NSMCE1: variants seen among roughly 807,000 people sequenced by gnomAD.
The protein encoded by NSMCE1 is NSE1 component of SMC5/6 complex, also known as non-structural maintenance of chromosomes element 1 homolog.
In NSMCE1, 18 loss-of-function variants were observed where a neutral mutation model predicts 29.6. The ratio of observed to expected loss-of-function variants is 0.61; its 90% confidence interval spans 0.42 to 0.90. The LOEUF is 0.90. Among genes scored for constraint, NSMCE1 ranks in the 40% least tolerant of loss-of-function variants. The pLI is 0.00. For missense variants in NSMCE1, 314 were observed against 343.6 expected (o/e 0.91, Z 0.68); for synonymous variants, 124 against 133.4 (o/e 0.93, Z 0.49).
chr16:27,268,107 C>A (rs1478209470), intron 1 of NSMCE1: 1 of 152,160 alleles, frequency 6.6e-6, no homozygotes. Context: ...TGATTACAAG[C>A]CGCTGCTCCA....
chr16:27,266,927 A>G (rs2084232444), intron 1 of NSMCE1, among the ~76,000 whole-genome samples: 1 of 152,130 alleles, frequency 6.6e-6, no homozygotes, highest in Non-Finnish European at 1.5e-5. Flanking sequence ...TGGGCAGCAA[A>G]AGAAAAAAGG....
At chr16:27,242,356 G>C (rs1229758036) in intron 2 of NSMCE1, among the ~76,000 whole-genome samples, 1 of 151,632 alleles carries the variant, frequency 6.6e-6, no homozygotes, top group Non-Finnish European at 1.5e-5. Flanking sequence ...TCTGTACACA[G>C]AGTTCTTTTC....
intron 2 of NSMCE1, among the ~76,000 whole-genome samples, chr16:27,256,677 A>G (rs951180242): frequency 3.9e-5 from 6 of 151,998 alleles, no homozygotes; most frequent in Admixed American, 1.3e-4. Context: ...TGTTTCTTCC[A>G]CCATCTCCAG....
intron 1 of NSMCE1, among the ~76,000 whole-genome samples, chr16:27,265,029 A>G (rs567134090): frequency 6.6e-6 from 1 of 152,304 alleles, no homozygotes; most frequent in South Asian, 2.1e-4. Context: ...CTCAATCTCA[A>G]TGTTATCAGA....
At chr16:27,247,183 A>T (rs115594485) in intron 2 of NSMCE1, among the ~76,000 whole-genome samples, 3,182 of 152,166 alleles carry the variant, frequency 0.021, 107 homozygotes, top group African/African-American at 0.072. Flanking sequence ...TAATCCAAAC[A>T]TGTCATGGGA....
Position 27,257,427 on chromosome 16 carries a change from G to A in NSMCE1, c.136+8C>T, listed in dbSNP as rs2141008921. ...AGAGCGCCCTGGGAACAGGGAAACG[G>A]TACTCACGGTCATGGACCTTGTAGC... is the stretch of plus-strand genomic sequence containing the variant. On this transcript the variant is annotated splice_region_variant and intron_variant, in intron 2 of 7. Transcript: ENST00000361439. 3.1e-6 allele frequency: 5 copies of A among 1,604,876 alleles called. No homozygotes were observed. In the African/African-American group the frequency reaches 5.4e-5, roughly 17 times the overall value.
chr16:27,238,076 C>A (rs957840903), intron 2 of NSMCE1, among the ~76,000 whole-genome samples: 36 of 152,166 alleles, frequency 2.4e-4, no homozygotes, highest in Non-Finnish European at 4.0e-4. Context: ...TGAGAAGAAA[C>A]TTCTCTTACA....
chr16:27,251,176 ATATATATATATAT>A (rs2084026950), intron 2 of NSMCE1, among the ~76,000 whole-genome samples: 7 of 67,420 alleles, frequency 1.0e-4, no homozygotes, highest in Non-Finnish European at 1.2e-4. Context: ...ATATATATAT[ATATATATATATAT>A]AAATATATAT....
At chr16:27,229,499 G>C (rs754555072) in intron 5 of NSMCE1, among the ~76,000 whole-genome samples, 4 of 152,260 alleles carry the variant, frequency 2.6e-5, no homozygotes, top group Non-Finnish European at 4.4e-5. Context: ...AGATGAAGTA[G>C]ACCTTGCACT....
chr16:27,232,511 G>A lies in NSMCE1; in HGVS notation c.483+490C>T, dbSNP rs1042059515. ...TGGTAATGTCACCAATTCCTCTGCC[G>A]CCTCCCCCGCGAGCCAGCCAGCCTA... On this transcript the variant is annotated intron_variant, in intron 5 of 7. Coordinates refer to ENST00000361439, the MANE Select transcript of NSMCE1 (RefSeq NM_145080.4). The surrounding 1 kb of genome is among the most constrained non-coding windows in gnomAD (Gnocchi z 4.5). Among the ~76,000 whole-genome samples the A allele has an allele frequency of 9.9e-5, 15 of 152,094 alleles. No individual in the cohort carries two copies. The highest frequency in any genetic ancestry group is 3.4e-4 in the African/African-American group (14 of 41,418).
At chr16:27,235,032 C>A (rs2083803566) in intron 3 of NSMCE1, 146 bp downstream of exon 3, 1 of 711,816 alleles carries the variant, frequency 1.4e-6, no homozygotes, top group African/African-American at 1.8e-5. Flanking sequence ...CATTTTCTCC[C>A]TTTATTCCTA....
Position 27,232,883 on chromosome 16 carries a change from A to G in NSMCE1, c.483+118T>C. On this transcript the variant is annotated intron_variant, in intron 5 of 7. Coordinates refer to ENST00000361439, the MANE Select transcript of NSMCE1 (RefSeq NM_145080.4). This position sits in a 1 kb window ranked among gnomAD's most constrained non-coding sequence, Gnocchi z 4.5. ...ACTGCTGGAATGCATGAAAGCAGAT[A>G]AGGGATCCGAGAAGGCCGGGCTCCT... The G allele has an allele frequency of 9.7e-7, 1 of 1,031,922 alleles. No individual in the cohort carries two copies. Among genetic ancestry groups the G allele is most frequent in the Non-Finnish European group, 1.4e-6 (1 of 695,816 alleles). The allele number at this position is 1,031,922 out of a possible 1,614,324, so 63.9% of individuals were successfully genotyped here. A position where few individuals can be genotyped will look rare whatever the true frequency, so the allele number is the denominator to read the frequency against.
chr16:27,234,270 G>A lies in NSMCE1; in HGVS notation c.259-5C>T, dbSNP rs1368330097. On this transcript the variant is annotated splice_region_variant and splice_polypyrimidine_tract_variant and intron_variant, in intron 3 of 7. Coordinates refer to ENST00000361439, the MANE Select transcript of NSMCE1 (RefSeq NM_145080.4). ...TGAAGTTGTAGCAAGATTCACCTAA[G>A]AAATAAGTCAGCACGACAGTCAGGC... 1.2e-6 allele frequency: 2 copies of A among 1,605,242 alleles called. No individual in the cohort carries two copies. The highest frequency in any genetic ancestry group is 1.3e-5 in the African/African-American group (1 of 74,776).
chr16:27,268,068 A>T (rs2084247342), intron 1 of NSMCE1: 1 of 152,124 alleles, frequency 6.6e-6, no homozygotes, highest in Non-Finnish European at 1.5e-5. Context: ...GTATCTTCAT[A>T]ACTTTAGCTG....
intron 7 of NSMCE1, 81 bp from the exon 8 acceptor site, chr16:27,225,317 G>A (rs1022731699): frequency 2.9e-5 from 24 of 824,982 alleles, no homozygotes; most frequent in Middle Eastern, 2.2e-4. Flanking sequence ...CAGCAGCTAC[G>A]TCTCCTGTGC....
Position 27,232,852 on chromosome 16 carries a change from G to A in NSMCE1, c.483+149C>T, listed in dbSNP as rs186778857. ...GGAGTGAGGCCCAAGTCCTCCCCAC[G>A]GGGTCACTGCTGGAATGCATGAAAG... On this transcript the variant is annotated intron_variant, in intron 5 of 7. Transcript: ENST00000361439. The surrounding 1 kb of genome is among the most constrained non-coding windows in gnomAD (Gnocchi z 4.5). The A allele has an allele frequency of 1.7e-4, 122 of 738,550 alleles. No homozygotes were observed. The African/African-American group carries it at 1.9e-3, about 11-fold the overall frequency. The allele number at this position is 738,550 out of a possible 1,614,324, so 45.7% of individuals were successfully genotyped here. A position where few individuals can be genotyped will look rare whatever the true frequency, so the allele number is the denominator to read the frequency against.
intron 2 of NSMCE1, among the ~76,000 whole-genome samples, chr16:27,235,868 A>C (rs1252758277): frequency 6.6e-6 from 1 of 152,180 alleles, no homozygotes; most frequent in Admixed American, 6.5e-5. Flanking sequence ...CGGGGTGAGA[A>C]GGGTGGCTTG....
At chr16:27,235,636 T>C (rs749636044) in intron 2 of NSMCE1, among the ~76,000 whole-genome samples, 4 of 152,220 alleles carry the variant, frequency 2.6e-5, no homozygotes, top group Non-Finnish European at 5.9e-5. Context: ...CTCAATGATG[T>C]GCTCAGAGCC....
Position 27,233,164 on chromosome 16 carries a change from G to A in NSMCE1, c.337-17C>T. ...CAGTTCCAGCTGGAAGAAAGAGCAG[G>A]TATCATGCTCATCTATTAAAATGGC... On this transcript the variant is annotated splice_polypyrimidine_tract_variant and intron_variant, in intron 4 of 7. Transcript: ENST00000361439. The A allele has an allele frequency of 6.2e-7, 1 of 1,603,018 alleles. No individual in the cohort carries two copies. Among genetic ancestry groups the A allele is most frequent in the Non-Finnish European group, 8.5e-7 (1 of 1,175,894 alleles).
Sources: gnomAD v4.1 joint callset for allele counts (sites outside exome capture counted in the v4.1 genomes callset) on GRCh38, gnomAD v4.1.1 for gene constraint, Gnocchi (gnomAD v3.1) non-coding constraint, MANE v1.5 for transcripts, NCBI Gene and HGNC (gene_info 2026-07-23, HGNC 2026-07-21) for gene names.